The following NUP88 variants were observed in gnomAD, a reference collection of about 807,000 sequenced individuals.
The protein encoded by NUP88 is nuclear pore complex protein Nup88.
Under a neutral mutation model 93.9 loss-of-function variants are expected in NUP88, and 57 were observed. The observed-to-expected ratio is 0.61, with a 90% CI of 0.49 to 0.76. NUP88 has a LOEUF of 0.76. NUP88 is among the 30% of genes least tolerant of loss of function. NUP88 has a pLI of 0.00. For synonymous variants in NUP88, 346 were observed against 336.8 expected (o/e 1.03, Z -0.30); for missense variants, 911 against 901.0 (o/e 1.01, Z -0.14).
Position 5,413,217 on chromosome 17 carries a change from C to T in NUP88, c.593+792G>A, listed in dbSNP as rs369383095. On this transcript the variant is annotated intron_variant, in intron 3 of 16. Transcript: ENST00000573584. ...GAACTCAGGGGCTCAAATGATCCTC[C>T]CACCTCGGCCTCCCAAAGTGCTGGG... Among the ~76,000 whole-genome samples the T allele has an allele frequency of 5.6e-4, 85 of 152,224 alleles. 2 individuals carry two copies. In the South Asian group the frequency reaches 0.011, roughly 20 times the overall value.
chr17:5,384,884 G>A lies in NUP88; in HGVS notation c.*1322C>T, dbSNP rs895856929. The stretch of plus-strand genomic sequence containing the variant: ...ATAAAATGCAATCAATTTAAATTAC[G>A]TAGGTTTAAGACTAGTCCCTTGGAT... On this transcript the variant is annotated 3_prime_UTR_variant, in exon 17 of 17. Transcript: ENST00000573584. 2.7e-5 allele frequency: 6 copies of A among 220,788 alleles called. No homozygotes were observed. The highest frequency in any genetic ancestry group is 4.5e-5 in the African/African-American group (2 of 44,696). 13.7% of individuals were successfully genotyped at this position (220,788 alleles called of 1,614,324 possible).
intron 5 of NUP88, 34 bp from the exon 6 acceptor site, chr17:5,405,277 T>C (rs758982706): frequency 2.1e-5 from 33 of 1,579,896 alleles, no homozygotes; most frequent in Admixed American, 3.4e-5. Flanking sequence ...TTGGGAAATG[T>C]TGACAGTATG....
chr17:5,411,780 A>G (rs550619985), intron 3 of NUP88, among the ~76,000 whole-genome samples: 1 of 152,306 alleles, frequency 6.6e-6, no homozygotes, highest in East Asian at 1.9e-4. Context: ...TGTCCCTTAT[A>G]ATCACTTATT....
In NUP88 at chr17:5,405,119, T is replaced by C. The variant is rs1459099467; in HGVS notation, c.982A>G (p.Thr328Ala). Reference sequence around the variant, plus strand: ...CAGTGATACAGCATTCCTGATTCAGTAGCGATCACTAAGATATTGGGGACA... The same window carrying C: ...CAGTGATACAGCATTCCTGATTCAGCAGCGATCACTAAGATATTGGGGACA... Reference protein sequence around the residue: ...PCVPNILVIATESGMLYHCVV... With the variant: ...PCVPNILVIAAESGMLYHCVV... Residue 328 changes from threonine to alanine, a missense_variant, in exon 6 of 17, where the codon ACT (threonine) becomes GCT (alanine). Coordinates refer to ENST00000573584, the MANE Select transcript of NUP88 (RefSeq NM_002532.6). 3.7e-6 allele frequency: 6 copies of C among 1,614,206 alleles called. No homozygotes were observed. The South Asian group carries it at 5.5e-5, about 15-fold the overall frequency.
chr17:5,385,080 C>A lies in NUP88; in HGVS notation c.*1126G>T, dbSNP rs1269318507. The A allele has an allele frequency of 4.4e-6, 1 of 229,262 alleles. No individual in the cohort carries two copies. Among genetic ancestry groups the A allele is most frequent in the African/African-American group, 2.2e-5 (1 of 45,158 alleles). The allele number at this position is 229,262 out of a possible 1,614,324, so 14.2% of individuals were successfully genotyped here. A position where few individuals can be genotyped will look rare whatever the true frequency, so the allele number is the denominator to read the frequency against. On this transcript the variant is annotated 3_prime_UTR_variant, in exon 17 of 17. Coordinates refer to ENST00000573584, the MANE Select transcript of NUP88 (RefSeq NM_002532.6). ...AGAAGATGGTGCTGGGTAATAAAAT[C>A]ATCACAATTAGGGAATGGTTAGTGG...
At position 5,385,719 on chromosome 17, in the gene NUP88, T is replaced by G. The variant is rs2144753328; in HGVS notation, c.*487A>C. On this transcript the variant is annotated 3_prime_UTR_variant, in exon 17 of 17. Transcript: ENST00000573584. ...CAATTGTGGATCTTGAGCTCTGCTC[T>G]CAGCAGATTTCAGGTGTAACCATTT... 1 of 231,098 alleles carries G rather than the reference T, an allele frequency of 4.3e-6. No homozygotes were observed. The highest frequency in any genetic ancestry group is 1.8e-4 in the South Asian group (1 of 5,496). 14.3% of individuals were successfully genotyped at this position (231,098 alleles called of 1,614,324 possible).
chr17:5,393,000 T>A (rs539961550), intron 9 of NUP88, among the ~76,000 whole-genome samples: 1 of 152,086 alleles, frequency 6.6e-6, no homozygotes, highest in Admixed American at 6.5e-5. Flanking sequence ...TTGCCCAGGC[T>A]GGAGTGCAGT....
chr17:5,387,993 T>C (rs757993606), intron 11 of NUP88, 89 bp from the exon 12 acceptor site: 115 of 1,284,452 alleles, frequency 9.0e-5, no homozygotes, highest in Non-Finnish European at 1.2e-4. Context: ...CTTTTTAAAC[T>C]TTTTATATTT....
chr17:5,386,607 C>G lies in NUP88; in HGVS notation c.2162+101G>C. 4.8e-6 allele frequency: 4 copies of G among 826,414 alleles called. No homozygotes were observed. In the Admixed American group the frequency reaches 7.6e-5, roughly 16 times the overall value. The allele number at this position is 826,414 out of a possible 1,614,324, so 51.2% of individuals were successfully genotyped here. ...CTCATCCCAGTAATTACTTGACATG[C>G]AAATACCAAGATTCAGGTTTCTATT... On this transcript the variant is annotated intron_variant, in intron 16 of 16. Coordinates refer to ENST00000573584, the MANE Select transcript of NUP88 (RefSeq NM_002532.6).
At chr17:5,410,309 GTAGT>G (rs1184475337) in intron 4 of NUP88, among the ~76,000 whole-genome samples, 1 of 152,122 alleles carries the variant, frequency 6.6e-6, no homozygotes, top group African/African-American at 2.4e-5. Flanking sequence ...AAAATTTACT[GTAGT>G]TATTCAGGAA....
intron 13 of NUP88, 23 bp from the exon 14 acceptor site, chr17:5,387,489 ACT>A (rs1912088255): frequency 9.3e-6 from 15 of 1,611,000 alleles, no homozygotes; most frequent in Non-Finnish European, 1.3e-5. Flanking sequence ...GACACAAGAG[ACT>A]CTTGAGGTCC....
chr17:5,412,935 G>A (rs191602030), intron 3 of NUP88, among the ~76,000 whole-genome samples: 19 of 152,184 alleles, frequency 1.2e-4, no homozygotes, highest in Admixed American at 1.1e-3. Context: ...AGAGCAGACC[G>A]CACACTCTCC....
chr17:5,402,236 G>C (rs1913214179), intron 7 of NUP88, among the ~76,000 whole-genome samples: 1 of 152,078 alleles, frequency 6.6e-6, no homozygotes. Context: ...GAACCCAGGG[G>C]GCGGAGGTTG....
Position 5,414,041 on chromosome 17 carries a change from G to C in NUP88, c.561C>G (p.His187Gln). The stretch of plus-strand genomic sequence containing the variant: ...CGTTGTCTGATGTTAACAGCACTAC[G>C]TGGGGATCCAGGATTTCACTTGGAT... ...AWYPSEILDP[H>Q]VVLLTSDNVI... is the part of the protein sequence containing the mutation. Residue 187 changes from histidine to glutamine, a missense_variant, in exon 3 of 17, where the codon CAC becomes CAG. Transcript: ENST00000573584. 1.9e-6 allele frequency: 3 copies of C among 1,613,858 alleles called. No individual in the cohort carries two copies. The highest frequency in any genetic ancestry group is 2.5e-6 in the Non-Finnish European group (3 of 1,179,764).
chr17:5,414,832 G>A (rs1339979960), intron 2 of NUP88, among the ~76,000 whole-genome samples: 8 of 151,616 alleles, frequency 5.3e-5, no homozygotes, highest in Non-Finnish European at 1.2e-4. Flanking sequence ...CAGAAGAATC[G>A]CTGGAACCCA....
At position 5,384,918 on chromosome 17, in the gene NUP88, A is replaced by C. The variant is rs1370411463; in HGVS notation, c.*1288T>G. 4.5e-6 allele frequency: 1 copy of C among 224,540 alleles called. No homozygotes were observed. Among genetic ancestry groups the C allele is most frequent in the Admixed American group, 5.7e-5 (1 of 17,500 alleles). 13.9% of individuals were successfully genotyped at this position (224,540 alleles called of 1,614,324 possible). A position where few individuals can be genotyped will look rare whatever the true frequency, so the allele number is the denominator to read the frequency against. On this transcript the variant is annotated 3_prime_UTR_variant, in exon 17 of 17. Coordinates refer to ENST00000573584, the MANE Select transcript of NUP88 (RefSeq NM_002532.6). ...AGACTAGTCCCTTGGATAAGCCCCA[A>C]GCGAATTTGTCTTCAGATTATTAAA...
Position 5,408,753 on chromosome 17 carries a change from T to C in NUP88, c.837A>G (p.Thr279=), listed in dbSNP as rs756877416. 3.1e-6 allele frequency: 5 copies of C among 1,607,496 alleles called. No individual in the cohort carries two copies. Among genetic ancestry groups the C allele is most frequent in the Admixed American group, 3.4e-5 (2 of 58,352 alleles). Reference sequence around the variant, plus strand: ...CTTACCTGTGTAACAGACTGATGTATGTCAGGAAAGTCTCTCCATTTTCAT... The same window carrying C: ...CTTACCTGTGTAACAGACTGATGTACGTCAGGAAAGTCTCTCCATTTTCAT... ...ILYENGETFL[T]YISLLHSPGN... is the part of the protein sequence containing the mutation. The change falls in exon 5 of 17, where the codon ACA becomes ACG. Residue 279 remains threonine, a synonymous_variant. Transcript: ENST00000573584.
Position 5,385,956 on chromosome 17 carries a change from G to A in NUP88, c.*250C>T. ...ACTCAATAGGGTTCAGGGAGGTTCTGGCAGTGTGCAGTGTGAAATAATCCT... is the reference window on the plus strand; with the variant it reads ...ACTCAATAGGGTTCAGGGAGGTTCTAGCAGTGTGCAGTGTGAAATAATCCT... On this transcript the variant is annotated 3_prime_UTR_variant, in exon 17 of 17. Coordinates refer to ENST00000573584, the MANE Select transcript of NUP88 (RefSeq NM_002532.6). 2.3e-6 allele frequency: 1 copy of A among 437,744 alleles called. No individual in the cohort carries two copies. Among genetic ancestry groups the A allele is most frequent in the Non-Finnish European group, 4.0e-6 (1 of 249,504 alleles). 27.1% of individuals were successfully genotyped at this position (437,744 alleles called of 1,614,324 possible).
chr17:5,416,325 C>A (rs1019423341), intron 2 of NUP88, among the ~76,000 whole-genome samples, 188 bp downstream of exon 2: 3 of 151,808 alleles, frequency 2.0e-5, no homozygotes, highest in Non-Finnish European at 2.9e-5. Context: ...CGTGGTACTT[C>A]AGGCAGAATA....
Sources: gnomAD v4.1 joint callset for allele counts (sites outside exome capture counted in the v4.1 genomes callset) on GRCh38, gnomAD v4.1.1 for gene constraint, MANE v1.5 for transcripts, NCBI Gene and HGNC (gene_info 2026-07-23, HGNC 2026-07-21) for gene names.